Variants in PHF20 observed in about 807,000 individuals in gnomAD.
The protein encoded by PHF20 is PHD finger protein 20, also known as glioma-expressed antigen 2.
Under a neutral mutation model 113.5 loss-of-function variants are expected in PHF20, and 23 were observed. The ratio of observed to expected loss-of-function variants is 0.20; its 90% CI spans 0.15 to 0.29. The LOEUF is 0.29. Ranked by LOEUF, PHF20 falls within the 10% of genes least tolerant of loss-of-function variation. The pLI is 1.00. For synonymous variants in PHF20, 434 were observed against 457.3 expected (o/e 0.95, Z 0.65); for missense variants, 943 against 1,219.6 (o/e 0.77, Z 3.38).
intron 2 of PHF20, among the ~76,000 whole-genome samples, chr20:35,828,505 T>A (rs776406442): frequency 6.6e-6 from 1 of 152,202 alleles, no homozygotes; most frequent in Non-Finnish European, 1.5e-5. Flanking sequence ...TGCTCTAGTT[T>A]AAGCACGTGC....
At chr20:35,816,848 G>A (rs1193991023) in intron 2 of PHF20, among the ~76,000 whole-genome samples, 1 of 149,754 alleles carries the variant, frequency 6.7e-6, no homozygotes, top group Non-Finnish European at 1.5e-5. Context: ...CTCGAGTGCA[G>A]TGGTGCAATT....
chr20:35,795,681 G>T (rs2041653234), intron 1 of PHF20, among the ~76,000 whole-genome samples: 1 of 152,090 alleles, frequency 6.6e-6, no homozygotes, highest in Non-Finnish European at 1.5e-5. Context: ...AAATAAACTT[G>T]GGGTAAGAAT....
rs538642505 is a variant in PHF20, at chr20:35,916,737, G to A, written c.1826-747G>A. On this transcript the variant is annotated intron_variant, in intron 12 of 17. Coordinates refer to ENST00000374012, the MANE Select transcript of PHF20 (RefSeq NM_016436.5). Reference sequence around the variant, plus strand: ...CCCACCTTGGCCTCCTAAAGTGCTGGGATTACAGGCGTGAGCCACTGTGCC... The same window carrying A: ...CCCACCTTGGCCTCCTAAAGTGCTGAGATTACAGGCGTGAGCCACTGTGCC... Among the ~76,000 whole-genome samples the A allele has an allele frequency of 5.3e-5, 8 of 151,338 alleles. No individual in the cohort carries two copies. In the East Asian group the frequency reaches 1.6e-3, roughly 30 times the overall value.
chr20:35,827,585 C>T (rs1325913893), intron 2 of PHF20, among the ~76,000 whole-genome samples: 1 of 151,906 alleles, frequency 6.6e-6, no homozygotes, highest in Non-Finnish European at 1.5e-5. Context: ...GAGATCGAGA[C>T]CATCCTGGCT....
intron 13 of PHF20, among the ~76,000 whole-genome samples, chr20:35,926,647 T>G (rs999771801): frequency 6.6e-6 from 1 of 152,146 alleles, no homozygotes; most frequent in African/African-American, 2.4e-5. Context: ...AATTGAAGAA[T>G]CTAAAACAGA....
At chr20:35,923,411 G>A (rs1568772768) in intron 13 of PHF20, among the ~76,000 whole-genome samples, 2 of 151,858 alleles carry the variant, frequency 1.3e-5, no homozygotes, top group African/African-American at 4.8e-5. Flanking sequence ...AACCAGCTTG[G>A]GCAACATAGA....
intron 13 of PHF20, among the ~76,000 whole-genome samples, chr20:35,919,411 C>T (rs2055469511): frequency 6.7e-6 from 1 of 148,866 alleles, no homozygotes. Flanking sequence ...GCAATCTCGG[C>T]TCACTGCAAC....
chr20:35,947,449 A>G (rs1229024645), intron 17 of PHF20, 36 bp from the exon 18 acceptor site: 1 of 1,601,776 alleles, frequency 6.2e-7, no homozygotes. Flanking sequence ...AAGTGTTGGG[A>G]GTTCACTAGG....
intron 9 of PHF20, among the ~76,000 whole-genome samples, chr20:35,880,108 G>A (rs759318929): frequency 6.6e-6 from 1 of 152,198 alleles, no homozygotes; most frequent in African/African-American, 2.4e-5. Flanking sequence ...ATGCAAAGAT[G>A]AGTGGGCACT....
At chr20:35,786,013 CAG>C (rs1285729031) in intron 1 of PHF20, among the ~76,000 whole-genome samples, 4 of 128,916 alleles carry the variant, frequency 3.1e-5, no homozygotes, top group African/African-American at 1.2e-4. Flanking sequence ...GCCTGGGCGA[CAG>C]AGCGCAACTC....
intron 9 of PHF20, among the ~76,000 whole-genome samples, chr20:35,880,892 G>A (rs959845523): frequency 2.0e-5 from 3 of 151,958 alleles, no homozygotes; most frequent in Admixed American, 2.0e-4. Context: ...CTCGGGAGGC[G>A]GAGATTGCAG....
At chr20:35,787,903 T>C (rs2146841178) in intron 1 of PHF20, among the ~76,000 whole-genome samples, 1 of 151,138 alleles carries the variant, frequency 6.6e-6, no homozygotes, top group South Asian at 2.1e-4. Flanking sequence ...TCAGCCTCCC[T>C]GGTAGCTGGG....
chr20:35,777,899 CAA>C (rs2041207560), intron 1 of PHF20, among the ~76,000 whole-genome samples: 1 of 152,110 alleles, frequency 6.6e-6, no homozygotes, highest in Admixed American at 6.6e-5. Context: ...AATAACTTAA[CAA>C]ATGAATAAAA....
intron 16 of PHF20, 114 bp from the exon 17 acceptor site, chr20:35,940,750 A>T (rs2055961359): frequency 2.3e-6 from 2 of 869,880 alleles, no homozygotes; most frequent in Non-Finnish European, 3.6e-6. Context: ...GGAGGTAGGG[A>T]TTTGGAGTAT....
chr20:35,926,387 G>A (rs1055048132), intron 13 of PHF20, among the ~76,000 whole-genome samples: 33 of 151,190 alleles, frequency 2.2e-4, no homozygotes, highest in African/African-American at 7.5e-4. Flanking sequence ...ACAGGCGCCC[G>A]CCACCACGCC....
At chr20:35,828,571 G>A (rs1408672288) in intron 2 of PHF20, among the ~76,000 whole-genome samples, 2 of 152,174 alleles carry the variant, frequency 1.3e-5, no homozygotes, top group Admixed American at 6.5e-5. Flanking sequence ...GACTCTGAGC[G>A]GCAAGCCTTC....
At chr20:35,941,850 G>A (rs1337563113) in intron 17 of PHF20, among the ~76,000 whole-genome samples, 1 of 152,206 alleles carries the variant, frequency 6.6e-6, no homozygotes, top group East Asian at 1.9e-4. Context: ...TGTCAATGCA[G>A]AGGAGGAGAG....
chr20:35,902,271 G>A (rs1335476600), intron 10 of PHF20, among the ~76,000 whole-genome samples: 1 of 152,188 alleles, frequency 6.6e-6, no homozygotes, highest in Non-Finnish European at 1.5e-5. Flanking sequence ...TCATTGAGGT[G>A]TCAGGAGCCA....
intron 6 of PHF20, among the ~76,000 whole-genome samples, chr20:35,867,861 T>C (rs2054345216): frequency 7.7e-6 from 1 of 130,234 alleles, no homozygotes; most frequent in Non-Finnish European, 1.6e-5. Flanking sequence ...TCCTTCCTCT[T>C]CTCTCTCCTC....
Sources: gnomAD v4.1 joint callset for allele counts (sites outside exome capture counted in the v4.1 genomes callset) on GRCh38, gnomAD v4.1.1 for gene constraint, MANE v1.5 for transcripts, NCBI Gene and HGNC (gene_info 2026-07-23, HGNC 2026-07-21) for gene names.